The following NAA11 variants were observed in gnomAD, a reference collection of about 807,000 sequenced individuals.
The protein encoded by NAA11 is N-alpha-acetyltransferase 11.
In NAA11, 15 loss-of-function variants were observed where a neutral mutation model predicts 16.1. That is an observed-to-expected ratio of 0.93 (90% CI 0.62 to 1.44). NAA11 has a LOEUF of 1.44. Among genes scored for constraint, NAA11 ranks in the 40% most tolerant of loss-of-function variants. NAA11 has a pLI of 0.00. For synonymous variants in NAA11, 122 were observed against 112.4 expected (o/e 1.09, Z -0.54); for missense variants, 298 against 291.3 (o/e 1.02, Z -0.17).
At chr4:79,170,845 T>C in the NAA11 span, among the ~76,000 whole-genome samples, 1 of 152,122 alleles carries the variant, frequency 6.6e-6, no homozygotes, top group Non-Finnish European at 1.5e-5. Flanking sequence ...AAACACTTGT[T>C]TTGTGTAAAT....
intron 2 of NAA11, among the ~76,000 whole-genome samples, chr4:79,273,203 T>C (rs1722542772): frequency 6.6e-6 from 1 of 151,858 alleles, no homozygotes; most frequent in Non-Finnish European, 1.5e-5. Flanking sequence ...CAAGTACATA[T>C]ATAGAAGGCA....
chr4:79,262,074 G>A (rs1360388613), intron 2 of NAA11, among the ~76,000 whole-genome samples: 1 of 152,094 alleles, frequency 6.6e-6, no homozygotes, highest in Non-Finnish European at 1.5e-5. Flanking sequence ...CTGAAAGTTT[G>A]TGGGAATAAA....
the NAA11 span, among the ~76,000 whole-genome samples, chr4:79,195,295 T>C: frequency 6.6e-6 from 1 of 152,132 alleles, no homozygotes. Flanking sequence ...AGCATGGGGC[T>C]GAGTGTAATT....
At chr4:79,209,395 A>G in the NAA11 span, among the ~76,000 whole-genome samples, 2 of 152,138 alleles carry the variant, frequency 1.3e-5, no homozygotes, top group Non-Finnish European at 2.9e-5. Flanking sequence ...GATTGCTGCC[A>G]TTTGTCACTT....
At chr4:79,281,715 C>A (rs908622019) in intron 2 of NAA11, among the ~76,000 whole-genome samples, 1 of 152,124 alleles carries the variant, frequency 6.6e-6, no homozygotes, top group South Asian at 2.1e-4. Context: ...TACACAATGA[C>A]AAATTACATC....
chr4:79,198,643 A>G, the NAA11 span, among the ~76,000 whole-genome samples: 1 of 151,900 alleles, frequency 6.6e-6, no homozygotes, highest in East Asian at 1.9e-4. Context: ...CTTTCCTTCT[A>G]GAGAGAACAG....
intron 2 of NAA11, among the ~76,000 whole-genome samples, chr4:79,235,153 C>A (rs1287994107): frequency 6.6e-6 from 1 of 152,200 alleles, no homozygotes; most frequent in African/African-American, 2.4e-5. Flanking sequence ...AAGCCATGAG[C>A]AGGTTCCAAT....
At chr4:79,214,641 TACAA>T in the NAA11 span, among the ~76,000 whole-genome samples, 1 of 151,810 alleles carries the variant, frequency 6.6e-6, no homozygotes, top group Non-Finnish European at 1.5e-5. Context: ...ATACTAAAAA[TACAA>T]AAAATTAGCT....
the NAA11 span, among the ~76,000 whole-genome samples, chr4:79,163,799 A>G: frequency 1.3e-5 from 2 of 152,220 alleles, no homozygotes; most frequent in African/African-American, 4.8e-5. Flanking sequence ...AGGGGTTTGC[A>G]GGAGATAGGA....
At position 79,306,298 on chromosome 4, in the gene NAA11, A is replaced by C. The variant is rs146651313; in HGVS notation, c.*13-12184T>G. ...TTAAGTGACAGAAATATATAGTCTC[A>C]CAGTTTGGGATGCTAGAAGCCTGAG... On this transcript the variant is annotated intron_variant and NMD_transcript_variant, in intron 1 of 2. Coordinates refer to the NAA11 transcript ENST00000511542. Among the ~76,000 whole-genome samples, 415 of 152,324 alleles carry C rather than the reference A, an allele frequency of 2.7e-3. 3 individuals carry two copies. The highest frequency in any genetic ancestry group is 9.5e-3 in the African/African-American group (395 of 41,566).
At chr4:79,176,028 CTT>C in the NAA11 span, among the ~76,000 whole-genome samples, 4 of 152,074 alleles carry the variant, frequency 2.6e-5, no homozygotes, top group Non-Finnish European at 5.9e-5. Flanking sequence ...ATTGTCTTTC[CTT>C]ACAGAGTTCA....
At chr4:79,301,761 T>C (rs1163541209) in intron 1 of NAA11, among the ~76,000 whole-genome samples, 2 of 152,228 alleles carry the variant, frequency 1.3e-5, no homozygotes, top group Non-Finnish European at 2.9e-5. Context: ...AAATCCATTT[T>C]ATAATAGCTC....
At chr4:79,310,517 A>C (rs1723741301) in intron 1 of NAA11, among the ~76,000 whole-genome samples, 1 of 152,230 alleles carries the variant, frequency 6.6e-6, no homozygotes, top group African/African-American at 2.4e-5. Context: ...AGAAAGCTTC[A>C]GGGGTTCAAA....
At chr4:79,247,053 T>C (rs1279742677) in intron 2 of NAA11, among the ~76,000 whole-genome samples, 1 of 152,098 alleles carries the variant, frequency 6.6e-6, no homozygotes, top group East Asian at 1.9e-4. Flanking sequence ...ACGTCAATGG[T>C]AGTGGTGCAG....
At chr4:79,223,861 G>A (rs7673022), downstream of NAA11, among the ~76,000 whole-genome samples, 108,019 of 151,760 alleles carry the variant, frequency 0.71, 40,587 homozygotes, top group East Asian at 0.89. Flanking sequence ...TGTTTTGTGT[G>A]AAAAGATTTA....
At chr4:79,298,417 T>C (rs1306806831) in intron 1 of NAA11, among the ~76,000 whole-genome samples, 2 of 151,672 alleles carry the variant, frequency 1.3e-5, no homozygotes, top group East Asian at 3.9e-4. Context: ...GACCTAGGAG[T>C]TCCCCAAGCC....
intron 2 of NAA11, among the ~76,000 whole-genome samples, chr4:79,285,791 A>C (rs1051103316): frequency 3.3e-5 from 5 of 152,070 alleles, no homozygotes; most frequent in Non-Finnish European, 7.4e-5. Context: ...TCATGACTAT[A>C]GCAAATTAGT....
At chr4:79,278,910 G>T in intron 2 of NAA11, among the ~76,000 whole-genome samples, 1 of 152,062 alleles carries the variant, frequency 6.6e-6, no homozygotes, top group South Asian at 2.1e-4. Flanking sequence ...CCAAGATCAA[G>T]ATGTCAGCAT....
chr4:79,311,211 G>A (rs1421272378), intron 1 of NAA11, among the ~76,000 whole-genome samples: 2 of 152,104 alleles, frequency 1.3e-5, no homozygotes, highest in African/African-American at 4.8e-5. Context: ...AATAAGAATT[G>A]TACTGGCATG....
Sources: gnomAD v4.1 joint callset for allele counts (sites outside exome capture counted in the v4.1 genomes callset) on GRCh38, gnomAD v4.1.1 for gene constraint, MANE v1.5 for transcripts, NCBI Gene and HGNC (gene_info 2026-07-23, HGNC 2026-07-21) for gene names.